TMEM272: variants seen among roughly 807,000 people sequenced by gnomAD.
The protein encoded by TMEM272 is long intergenic non-protein coding RNA 282.
Under a neutral mutation model 3.7 loss-of-function variants are expected in TMEM272, and 8 were observed. The observed-to-expected ratio is 2.17, with a 90% CI of 1.27 to 3.91. TMEM272 has a LOEUF of 3.91. Ranked by LOEUF, TMEM272 falls within the 30% of genes most tolerant of loss-of-function variation. The pLI is 0.00. For synonymous variants in TMEM272, 63 were observed against 39.8 expected, an observed-to-expected ratio of 1.58 and a Z score of -2.20; for missense variants, 166 against 91.5, an observed-to-expected ratio of 1.81 and a Z score of -3.32.
chr13:51,908,536 T>C, the TMEM272 span: 93 of 1,466,390 alleles, frequency 6.3e-5, no homozygotes, highest in Non-Finnish European at 8.1e-5. Flanking sequence ...GGACCTCTGA[T>C]TGAAGCAAGA....
the TMEM272 span, among the ~76,000 whole-genome samples, chr13:51,868,936 G>A: frequency 2.6e-5 from 4 of 152,302 alleles, no homozygotes; most frequent in Admixed American, 6.5e-5. Flanking sequence ...CCTCCACCCA[G>A]AAGTGCTTAC....
At chr13:51,893,521 A>G in the TMEM272 span, among the ~76,000 whole-genome samples, 1 of 152,092 alleles carries the variant, frequency 6.6e-6, no homozygotes, top group Non-Finnish European at 1.5e-5. Context: ...AGCAACAACG[A>G]TGAATGTGTG....
At chr13:51,827,381 T>C (rs532217876) in intron 2 of TMEM272, among the ~76,000 whole-genome samples, 99 of 152,342 alleles carry the variant, frequency 6.5e-4, no homozygotes, top group African/African-American at 2.4e-3. Context: ...TGGTGACAGA[T>C]GTATGCACAA....
upstream of TMEM272, among the ~76,000 whole-genome samples, chr13:51,845,846 C>T (rs942864494): frequency 6.6e-6 from 1 of 152,214 alleles, no homozygotes; most frequent in Non-Finnish European, 1.5e-5. Flanking sequence ...GGGCCTGGGC[C>T]CAGGAATCTG....
intron 1 of TMEM272, among the ~76,000 whole-genome samples, chr13:51,844,268 T>C (rs766741709): frequency 1.8e-5 from 2 of 113,230 alleles, no homozygotes; most frequent in Non-Finnish European, 3.7e-5. Flanking sequence ...GATTGTGTTT[T>C]TACTGATTGG....
At chr13:51,893,723 G>T in the TMEM272 span, among the ~76,000 whole-genome samples, 1 of 152,066 alleles carries the variant, frequency 6.6e-6, no homozygotes, top group African/African-American at 2.4e-5. Flanking sequence ...CCACACAGTT[G>T]CTTCTGCGTT....
the TMEM272 span, chr13:51,910,662 C>A: frequency 2.3e-5 from 11 of 471,042 alleles, no homozygotes; most frequent in Admixed American, 2.3e-4. Context: ...GTAACCATGG[C>A]CTGTCGAGGC....
At chr13:51,853,225 A>G in the TMEM272 span, among the ~76,000 whole-genome samples, 3 of 152,058 alleles carry the variant, frequency 2.0e-5, no homozygotes, top group Non-Finnish European at 4.4e-5. Flanking sequence ...TGGCTAACAT[A>G]TAGTGAAACC....
the TMEM272 span, among the ~76,000 whole-genome samples, chr13:51,859,176 T>TA: frequency 0.14 from 19,567 of 142,312 alleles, 2,860 homozygotes; most frequent in African/African-American, 0.37. Context: ...AGGGCATTTG[T>TA]AAAAAAAAAA....
the TMEM272 span, chr13:51,865,758 C>T: frequency 6.2e-7 from 1 of 1,614,136 alleles, no homozygotes; most frequent in Non-Finnish European, 8.5e-7. Flanking sequence ...AAGTACCGCA[C>T]TTTCTGGAAG....
At chr13:51,817,692 A>G (rs1312138239) in intron 4 of TMEM272, among the ~76,000 whole-genome samples, 1 of 150,044 alleles carries the variant, frequency 6.7e-6, no homozygotes, top group African/African-American at 2.5e-5. Context: ...TGCCCATCTC[A>G]GGCATCTGGA....
the TMEM272 span, chr13:51,866,335 T>C: frequency 2.4e-6 from 1 of 409,926 alleles, no homozygotes; most frequent in Non-Finnish European, 4.5e-6. Context: ...CAGCTCCCAG[T>C]GACCCCAGCC....
At chr13:51,879,487 AC>A in the TMEM272 span, among the ~76,000 whole-genome samples, 1 of 152,194 alleles carries the variant, frequency 6.6e-6, no homozygotes, top group Admixed American at 6.5e-5. Context: ...ATTGCAGATG[AC>A]TTTAAGGGGT....
At chr13:51,889,038 C>G in the TMEM272 span, among the ~76,000 whole-genome samples, 1 of 152,174 alleles carries the variant, frequency 6.6e-6, no homozygotes, top group Non-Finnish European at 1.5e-5. Flanking sequence ...TGATGGGTAT[C>G]TACATTGTGT....
chr13:51,884,470 A>G, the TMEM272 span, among the ~76,000 whole-genome samples: 1 of 152,248 alleles, frequency 6.6e-6, no homozygotes, highest in Admixed American at 6.5e-5. Flanking sequence ...TGAAATGAAT[A>G]GTTGATAGCC....
At position 51,816,687 on chromosome 13, in the gene TMEM272, G is replaced by A; in HGVS notation, c.*64C>T. Reference sequence around the variant, plus strand: ...TGTGTGTGTGTGTGTGCGTCTGTGTGTCTGTGTGCACGCGCGTGCATGCAC... The same window carrying A: ...TGTGTGTGTGTGTGTGCGTCTGTGTATCTGTGTGCACGCGCGTGCATGCAC... On this transcript the variant is annotated 3_prime_UTR_variant, in exon 5 of 5. Transcript: ENST00000629372. 1.6e-6 allele frequency: 1 copy of A among 641,168 alleles called. No homozygotes were observed. The highest frequency in any genetic ancestry group is 2.8e-6 in the Non-Finnish European group (1 of 350,902). 39.7% of individuals were successfully genotyped at this position (641,168 alleles called of 1,614,324 possible).
chr13:51,905,702 G>T, the TMEM272 span, among the ~76,000 whole-genome samples: 1 of 152,176 alleles, frequency 6.6e-6, no homozygotes, highest in South Asian at 2.1e-4. Flanking sequence ...TTGTAATCAA[G>T]GGCCATGCGA....
the TMEM272 span, among the ~76,000 whole-genome samples, chr13:51,928,153 G>A: frequency 1.3e-5 from 2 of 151,936 alleles, no homozygotes; most frequent in East Asian, 3.9e-4. Flanking sequence ...CTTTTTAAAG[G>A]CAAACTTTTG....
In TMEM272 at chr13:51,817,019, C is replaced by T. The variant is rs1470195167; in HGVS notation, c.296G>A (p.Arg99Lys). The change falls in exon 5 of 5, where the codon AGG becomes AAG. Residue 99 changes from arginine (R) to lysine (K), a missense_variant. Coordinates refer to ENST00000629372, the MANE Select transcript of TMEM272 (RefSeq NM_001351003.2). ...DDDDDDEYPW[R>K]QNAHRYYIHL... ...GATGTAGTATCTGTGCGCATTCTGC[C>T]TCCAGGGGTATTCGTCATCGTCATC... 1.4e-6 allele frequency: 1 copy of T among 703,018 alleles called. No homozygotes were observed. The highest frequency in any genetic ancestry group is 1.5e-5 in the South Asian group (1 of 67,606). The allele number at this position is 703,018 out of a possible 1,614,324, so 43.5% of individuals were successfully genotyped here.
Sources: allele counts gnomAD v4.1 joint callset (sites outside exome capture counted in the v4.1 genomes callset), GRCh38; gene constraint gnomAD v4.1.1; transcripts MANE v1.5; gene names NCBI Gene and HGNC (gene_info 2026-07-23, HGNC 2026-07-21).